The following CEP112 variants were observed in gnomAD, a reference collection of about 807,000 sequenced individuals.
CEP112 encodes the protein centrosomal protein 112, also known as centrosomal protein of 112 kDa.
Under a neutral mutation model 153.0 loss-of-function variants are expected in CEP112, and 127 were observed. The ratio of observed to expected loss-of-function variants is 0.83; its 90% confidence interval spans 0.72 to 0.96. The LOEUF is 0.96. CEP112 is among the 40% of genes least tolerant of loss of function. The pLI is 0.00. For synonymous variants in CEP112, 358 were observed against 374.4 expected (o/e 0.96, Z 0.51); for missense variants, 1,089 against 1,101.2 (o/e 0.99, Z 0.16).
At chr17:65,838,990 T>C (rs2057420156) in intron 21 of CEP112, among the ~76,000 whole-genome samples, 1 of 152,072 alleles carries the variant, frequency 6.6e-6, no homozygotes. Flanking sequence ...CAGTAATACA[T>C]AATGAGATTG....
At chr17:65,850,153 CAA>C (rs57086665) in intron 21 of CEP112, among the ~76,000 whole-genome samples, 6 of 35,708 alleles carry the variant, frequency 1.7e-4, no homozygotes, top group Admixed American at 2.6e-4. Flanking sequence ...GACTCTGTCT[CAA>C]AAAAAAAAAA....
chr17:66,103,988 A>G (rs2068673765), intron 6 of CEP112, among the ~76,000 whole-genome samples: 1 of 152,202 alleles, frequency 6.6e-6, no homozygotes, highest in Admixed American at 6.5e-5. Flanking sequence ...CCTTAGTTCT[A>G]GCGAACTCCA....
At chr17:65,824,835 T>C (rs367921752) in intron 21 of CEP112, among the ~76,000 whole-genome samples, 1 of 152,140 alleles carries the variant, frequency 6.6e-6, no homozygotes, top group Non-Finnish European at 1.5e-5. Context: ...TTATAAACAG[T>C]GTTGGCAATC....
chr17:65,953,137 T>C (rs1052738083), intron 18 of CEP112, among the ~76,000 whole-genome samples: 1 of 152,208 alleles, frequency 6.6e-6, no homozygotes, highest in African/African-American at 2.4e-5. Flanking sequence ...AATGTAGCAA[T>C]CTTAACTGAA....
intron 21 of CEP112, among the ~76,000 whole-genome samples, chr17:65,772,567 CTATT>C (rs1444953343): frequency 6.8e-6 from 1 of 146,928 alleles, no homozygotes; most frequent in African/African-American, 2.5e-5. Flanking sequence ...AAAGACCCCT[CTATT>C]TATTACACAC....
At chr17:65,866,509 G>A (rs2058491531) in intron 20 of CEP112, among the ~76,000 whole-genome samples, 2 of 152,220 alleles carry the variant, frequency 1.3e-5, no homozygotes, top group Non-Finnish European at 2.9e-5. Flanking sequence ...AGGGACTGAA[G>A]CCTGGGAGCT....
chr17:65,656,777 A>G (rs540431349), intron 24 of CEP112, among the ~76,000 whole-genome samples: 2 of 152,312 alleles, frequency 1.3e-5, no homozygotes, highest in East Asian at 1.9e-4. Context: ...CTCAGCATTT[A>G]GCATGGTGCC....
At chr17:65,936,681 A>G (rs954604536) in intron 18 of CEP112, among the ~76,000 whole-genome samples, 1 of 122,088 alleles carries the variant, frequency 8.2e-6, no homozygotes, top group Non-Finnish European at 1.8e-5. Flanking sequence ...AAGAATAAAA[A>G]CCACATGATT....
At chr17:65,889,429 C>A (rs1313601587) in intron 20 of CEP112, among the ~76,000 whole-genome samples, 1 of 152,190 alleles carries the variant, frequency 6.6e-6, no homozygotes, top group East Asian at 1.9e-4. Context: ...CAAATTCTCA[C>A]AATAATCCAC....
At chr17:66,170,971 G>A (rs1223135154) in intron 4 of CEP112, among the ~76,000 whole-genome samples, 3 of 152,150 alleles carry the variant, frequency 2.0e-5, no homozygotes, top group African/African-American at 7.2e-5. Flanking sequence ...GCTGTTTGGT[G>A]TGAAATGCTA....
In CEP112 at chr17:65,764,159, C is replaced by T. The variant is rs114285820; in HGVS notation, c.2395-13435G>A. Among the ~76,000 whole-genome samples the T allele has an allele frequency of 4.4e-3, 666 of 152,142 alleles. 9 individuals are homozygous for T. Among genetic ancestry groups the T allele is most frequent in the African/African-American group, 0.015 (623 of 41,508 alleles). On this transcript the variant is annotated intron_variant, in intron 21 of 26. Coordinates refer to ENST00000535342, the MANE Select transcript of CEP112 (RefSeq NM_001199165.4). ...TAGAGTTGGCTGTAGGTGGTTATCT[C>T]CCTTCCCCCAGATTGGTTAGGCTCT...
intron 21 of CEP112, among the ~76,000 whole-genome samples, chr17:65,849,245 T>C (rs150527069): frequency 4.1e-4 from 63 of 152,350 alleles, no homozygotes; most frequent in Non-Finnish European, 3.2e-4. Context: ...ATCCTACTTA[T>C]GTTACTTATG....
chr17:65,953,328 A>G (rs2061898339), intron 18 of CEP112, among the ~76,000 whole-genome samples: 1 of 152,208 alleles, frequency 6.6e-6, no homozygotes, highest in African/African-American at 2.4e-5. Context: ...AAGATGGCAG[A>G]CAGGAGGCAG....
intron 7 of CEP112, 110 bp from the exon 8 acceptor site, chr17:66,096,438 G>T: frequency 8.5e-7 from 1 of 1,171,478 alleles, no homozygotes; most frequent in Non-Finnish European, 1.2e-6. Context: ...TACTAACACT[G>T]CAGGAAAAAA....
chr17:66,052,095 G>C (rs1466903726), intron 12 of CEP112, among the ~76,000 whole-genome samples: 2 of 152,176 alleles, frequency 1.3e-5, no homozygotes, highest in Admixed American at 1.3e-4. Context: ...GTGAAGAACA[G>C]AATGAATGTA....
chr17:66,163,257 T>A (rs2071790671), intron 4 of CEP112, among the ~76,000 whole-genome samples: 1 of 152,154 alleles, frequency 6.6e-6, no homozygotes, highest in Non-Finnish European at 1.5e-5. Flanking sequence ...GCATGCTATG[T>A]TTCACAGCTG....
chr17:66,148,461 T>C (rs2071019009), intron 4 of CEP112, among the ~76,000 whole-genome samples: 1 of 152,218 alleles, frequency 6.6e-6, no homozygotes, highest in African/African-American at 2.4e-5. Flanking sequence ...ATTAACCGCC[T>C]AATAATATTA....
At chr17:65,848,033 C>T (rs1215736767) in intron 21 of CEP112, among the ~76,000 whole-genome samples, 1 of 152,192 alleles carries the variant, frequency 6.6e-6, no homozygotes, top group Admixed American at 6.5e-5. Flanking sequence ...CCATTCCCAC[C>T]TGCACCACCT....
At chr17:66,166,544 C>G (rs981712444) in intron 4 of CEP112, among the ~76,000 whole-genome samples, 6 of 152,138 alleles carry the variant, frequency 3.9e-5, no homozygotes, top group Non-Finnish European at 8.8e-5. Context: ...CAACCTATTA[C>G]TTTTGTGTTC....
Sources: gnomAD v4.1 joint callset for allele counts (sites outside exome capture counted in the v4.1 genomes callset) on GRCh38, gnomAD v4.1.1 for gene constraint, MANE v1.5 for transcripts, NCBI Gene and HGNC (gene_info 2026-07-23, HGNC 2026-07-21) for gene names.